The following AK5 variants were observed in gnomAD, a reference collection of about 807,000 sequenced individuals.
AK5 encodes the protein adenylate kinase isoenzyme 5.
AK5 carries 27 observed loss-of-function variants against 69.5 expected under a neutral mutation model. That is an observed-to-expected ratio of 0.39 (90% CI 0.29 to 0.54). AK5 has a LOEUF of 0.54. AK5 is among the 20% of genes least tolerant of loss of function. AK5 has a pLI of 0.71. For missense variants in AK5, 531 were observed against 700.4 expected (o/e 0.76, Z 2.73); for synonymous variants, 260 against 244.4 (o/e 1.06, Z -0.60).
At chr1:77,478,874 A>G (rs1020033514) in intron 8 of AK5, among the ~76,000 whole-genome samples, 1 of 152,096 alleles carries the variant, frequency 6.6e-6, no homozygotes, top group African/African-American at 2.4e-5. Flanking sequence ...ATATACCCCA[A>G]TTAGCCACTC....
At chr1:77,403,578 C>G (rs568788094) in intron 6 of AK5, among the ~76,000 whole-genome samples, 7 of 152,260 alleles carry the variant, frequency 4.6e-5, no homozygotes, top group South Asian at 4.1e-4. Context: ...GCTTGTTTTT[C>G]TCAGGTTTGT....
intron 6 of AK5, among the ~76,000 whole-genome samples, chr1:77,360,403 C>T (rs1426092097): frequency 6.6e-6 from 1 of 152,150 alleles, no homozygotes; most frequent in Admixed American, 6.6e-5. Flanking sequence ...TTCATTTCAA[C>T]AGCTGGCAGG....
At chr1:77,511,913 G>A (rs1192340825) in intron 10 of AK5, among the ~76,000 whole-genome samples, 1 of 152,216 alleles carries the variant, frequency 6.6e-6, no homozygotes, top group Non-Finnish European at 1.5e-5. Flanking sequence ...AACAAGTTGA[G>A]AAGTGAGGTC....
intron 13 of AK5, among the ~76,000 whole-genome samples, chr1:77,544,382 T>G (rs1212283944): frequency 6.6e-6 from 1 of 152,242 alleles, no homozygotes; most frequent in African/African-American, 2.4e-5. Context: ...AACTTTGGCT[T>G]ACTATAACCT....
At chr1:77,433,472 A>G (rs1344005297) in intron 8 of AK5, among the ~76,000 whole-genome samples, 1 of 152,192 alleles carries the variant, frequency 6.6e-6, no homozygotes, top group Non-Finnish European at 1.5e-5. Context: ...TGTAGTACCT[A>G]TAAACAATTT....
chr1:77,551,483 G>A (rs192812758), intron 13 of AK5, among the ~76,000 whole-genome samples: 1 of 152,148 alleles, frequency 6.6e-6, no homozygotes. Context: ...CAATAAGCAG[G>A]TTTTTAATTT....
intron 6 of AK5, among the ~76,000 whole-genome samples, chr1:77,343,655 C>A (rs896469312): frequency 6.6e-6 from 1 of 152,040 alleles, no homozygotes; most frequent in Non-Finnish European, 1.5e-5. Flanking sequence ...GTATGCCTTA[C>A]CTGTAAAATA....
intron 10 of AK5, among the ~76,000 whole-genome samples, chr1:77,489,807 C>A (rs918973912): frequency 2.6e-5 from 4 of 152,190 alleles, no homozygotes; most frequent in Admixed American, 2.0e-4. Context: ...CTTAGACTGG[C>A]CTTCTGGTCT....
At chr1:77,442,446 AG>A (rs1433587081) in intron 8 of AK5, among the ~76,000 whole-genome samples, 1 of 152,106 alleles carries the variant, frequency 6.6e-6, no homozygotes, top group Non-Finnish European at 1.5e-5. Context: ...TAAGGACTGT[AG>A]GTATCCAAGG....
intron 12 of AK5, among the ~76,000 whole-genome samples, chr1:77,533,930 C>A (rs1156434052): frequency 6.6e-6 from 1 of 152,020 alleles, no homozygotes; most frequent in East Asian, 1.9e-4. Flanking sequence ...CCCAGCCTTT[C>A]TTGCTGCACA....
At chr1:77,377,189 CA>C (rs1289117889) in intron 6 of AK5, among the ~76,000 whole-genome samples, 1 of 152,098 alleles carries the variant, frequency 6.6e-6, no homozygotes, top group Non-Finnish European at 1.5e-5. Context: ...ACACATATAC[CA>C]GACTCCCTGT....
chr1:77,417,599 G>A (rs1557576736), intron 7 of AK5, 40 bp from the exon 8 acceptor site: 5 of 1,273,348 alleles, frequency 3.9e-6, no homozygotes, highest in South Asian at 2.4e-5. Context: ...AACATACATA[G>A]ACAACCTCCA....
chr1:77,436,818 C>T (rs1036427258), intron 8 of AK5, among the ~76,000 whole-genome samples: 4 of 151,940 alleles, frequency 2.6e-5, no homozygotes, highest in East Asian at 1.9e-4. Context: ...CCTTGTTAGC[C>T]GTTTTTACAG....
chr1:77,415,143 TCTTA>T (rs1350080693), intron 7 of AK5, among the ~76,000 whole-genome samples: 1 of 152,208 alleles, frequency 6.6e-6, no homozygotes, highest in African/African-American at 2.4e-5. Context: ...TCCAATCTCT[TCTTA>T]CTTATAAGCA....
At chr1:77,304,415 T>C (rs1183652862) in intron 5 of AK5, among the ~76,000 whole-genome samples, 4 of 151,556 alleles carry the variant, frequency 2.6e-5, no homozygotes, top group Non-Finnish European at 4.4e-5. Context: ...CTTTTCTTTT[T>C]TTTTTTTGAC....
chr1:77,351,902 AC>A (rs779521954), intron 6 of AK5, among the ~76,000 whole-genome samples: 4 of 151,558 alleles, frequency 2.6e-5, no homozygotes, highest in Admixed American at 6.6e-5. Context: ...TTGAAAAGAT[AC>A]GTAAAATACA....
At chr1:77,502,628 A>T (rs1656787657) in intron 10 of AK5, among the ~76,000 whole-genome samples, 1 of 152,202 alleles carries the variant, frequency 6.6e-6, no homozygotes, top group African/African-American at 2.4e-5. Flanking sequence ...TTAAAAAAAA[A>T]GTTTTGATTT....
chr1:77,417,528 TTGTGAATTTAA>T, intron 7 of AK5, 100 bp from the exon 8 acceptor site: 1 of 696,262 alleles, frequency 1.4e-6, no homozygotes, highest in South Asian at 1.6e-5. Flanking sequence ...CTAGAAATGT[TTGTGAATTTAA>T]TGTGATATAG....
intron 8 of AK5, among the ~76,000 whole-genome samples, chr1:77,441,177 C>G (rs181404009): frequency 2.6e-5 from 4 of 152,222 alleles, no homozygotes; most frequent in Admixed American, 2.6e-4. Context: ...TGTTGTACTT[C>G]TCATTCATAT....
Sources: gnomAD v4.1 joint callset for allele counts (sites outside exome capture counted in the v4.1 genomes callset) on GRCh38, gnomAD v4.1.1 for gene constraint, MANE v1.5 for transcripts, NCBI Gene and HGNC (gene_info 2026-07-23, HGNC 2026-07-21) for gene names.